The following ACYP2 variants were observed in gnomAD, a reference collection of about 807,000 sequenced individuals.
ACYP2 encodes the protein acylphosphatase-2.
ACYP2 carries 12 observed loss-of-function variants against 11.2 expected under a neutral mutation model. The ratio of observed to expected loss-of-function variants is 1.08; its 90% confidence interval spans 0.69 to 1.74. The LOEUF (loss-of-function observed/expected upper bound fraction) is 1.74. Ranked by LOEUF, ACYP2 falls within the 40% of genes most tolerant of loss-of-function variation. ACYP2 has a pLI of 0.00. For synonymous variants in ACYP2, 43 were observed against 32.2 expected (o/e 1.33, Z -1.13); for missense variants, 134 against 101.9 (o/e 1.31, Z -1.35).
At chr2:54,268,956 C>CTTAA (rs1317900053) in intron 6 of ACYP2, among the ~76,000 whole-genome samples, 1 of 152,092 alleles carries the variant, frequency 6.6e-6, no homozygotes, top group African/African-American at 2.4e-5. Context: ...TGAATTATCT[C>CTTAA]TTAATTTAAA....
At chr2:54,211,040 C>T (rs1279309422) in intron 6 of ACYP2, among the ~76,000 whole-genome samples, 1 of 152,170 alleles carries the variant, frequency 6.6e-6, no homozygotes, top group Non-Finnish European at 1.5e-5. Context: ...ACAGATTTCC[C>T]TGAAGTCAAC....
At chr2:54,272,716 A>G (rs1473424137) in intron 6 of ACYP2, among the ~76,000 whole-genome samples, 2 of 152,248 alleles carry the variant, frequency 1.3e-5, no homozygotes, top group African/African-American at 4.8e-5. Flanking sequence ...CACAGAGGCT[A>G]TACTGTCCAC....
intron 6 of ACYP2, among the ~76,000 whole-genome samples, chr2:54,303,438 T>A (rs1324607964): frequency 1.3e-5 from 2 of 152,150 alleles, no homozygotes; most frequent in African/African-American, 4.8e-5. Flanking sequence ...TCTAGGAGGT[T>A]TCAAGAAGAC....
In ACYP2 at chr2:54,286,142, G is replaced by A. The variant is rs533135461; in HGVS notation, c.405-18546G>A. Among the ~76,000 whole-genome samples, 86 of 150,308 alleles carry A rather than the reference G, an allele frequency of 5.7e-4. 2 individuals carry two copies. Among genetic ancestry groups the A allele is most frequent in the African/African-American group, 2.1e-3 (82 of 39,662 alleles). ...TTAAATGTGCTCAGGGCCAGGCGCA[G>A]TGGCCTTTGGGAGGCCAAGATGGGA... On this transcript the variant is annotated intron_variant, in intron 6 of 6. Coordinates refer to ENST00000607452, the MANE Select transcript of ACYP2 (RefSeq NM_001320586.2).
At chr2:54,278,886 T>C (rs1039705818) in intron 6 of ACYP2, among the ~76,000 whole-genome samples, 1 of 152,232 alleles carries the variant, frequency 6.6e-6, no homozygotes, top group Non-Finnish European at 1.5e-5. Flanking sequence ...AAGCATGTGC[T>C]GAGGTTGTGT....
At chr2:54,187,419 T>C (rs1350051883) in intron 6 of ACYP2, among the ~76,000 whole-genome samples, 2 of 152,128 alleles carry the variant, frequency 1.3e-5, no homozygotes, top group African/African-American at 2.4e-5. Context: ...CGGAGGGAGA[T>C]GTCTACGTGG....
At chr2:53,974,560 GT>G (rs1288434901) in intron 2 of ACYP2, among the ~76,000 whole-genome samples, 1 of 152,170 alleles carries the variant, frequency 6.6e-6, no homozygotes, top group Admixed American at 6.5e-5. Flanking sequence ...AGTTAGAATT[GT>G]TTGGCAGGTA....
intron 6 of ACYP2, among the ~76,000 whole-genome samples, chr2:54,178,762 T>C (rs1683581217): frequency 6.6e-6 from 1 of 152,130 alleles, no homozygotes. Context: ...AATAGCACCA[T>C]AATTGAAAAC....
At chr2:54,141,709 T>C (rs1251106907) in intron 6 of ACYP2, among the ~76,000 whole-genome samples, 2 of 152,258 alleles carry the variant, frequency 1.3e-5, no homozygotes, top group East Asian at 3.8e-4. Flanking sequence ...TTTTATTTGC[T>C]TTCTTGGGCA....
intron 6 of ACYP2, among the ~76,000 whole-genome samples, chr2:54,188,757 C>T (rs927244598): frequency 1.3e-5 from 2 of 152,166 alleles, no homozygotes; most frequent in Admixed American, 6.5e-5. Flanking sequence ...CAGGCCCCAC[C>T]CCAGACCTCC....
rs1205149417 is a variant in ACYP2 at position 53,995,296 on chromosome 2, C to CA, written c.62+21488dup. The stretch of plus-strand genomic sequence containing the variant: ...GCTACTTTAGTCTCTTCTTTAATCT[C>CA]AAGTTACATCAGAGAAAAGATTTCA... On this transcript the variant is annotated intron_variant, in intron 2 of 6. Coordinates refer to ENST00000607452, the MANE Select transcript of ACYP2 (RefSeq NM_001320586.2). Among the ~76,000 whole-genome samples the CA allele has an allele frequency of 3.3e-5, 5 of 152,114 alleles. No individual in the cohort carries two copies. In the East Asian group the frequency reaches 9.6e-4, roughly 29 times the overall value.
At chr2:54,112,378 G>T (rs985923859) in intron 4 of ACYP2, among the ~76,000 whole-genome samples, 1 of 152,292 alleles carries the variant, frequency 6.6e-6, no homozygotes, top group South Asian at 2.1e-4. Flanking sequence ...TGTATAAAAA[G>T]CCAAATAATC....
chr2:54,071,856 CA>C (rs1385439434), intron 4 of ACYP2, among the ~76,000 whole-genome samples: 2 of 152,004 alleles, frequency 1.3e-5, no homozygotes, highest in Admixed American at 1.3e-4. Flanking sequence ...ACTAAAAATA[CA>C]AAACTTAGGT....
intron 2 of ACYP2, among the ~76,000 whole-genome samples, chr2:54,011,264 G>A (rs1278388755): frequency 1.3e-5 from 2 of 152,026 alleles, no homozygotes; most frequent in African/African-American, 2.4e-5. Context: ...CTCCTTTTCT[G>A]TTTTTCATTA....
intron 4 of ACYP2, among the ~76,000 whole-genome samples, chr2:54,113,010 A>C (rs1016123761): frequency 1.3e-5 from 2 of 150,636 alleles, no homozygotes; most frequent in East Asian, 4.3e-4. Flanking sequence ...AAGCTATGCT[A>C]TAGTTGTCCG....
intron 3 of ACYP2, among the ~76,000 whole-genome samples, chr2:54,054,391 C>G (rs1676014913): frequency 6.6e-6 from 1 of 152,166 alleles, no homozygotes. Flanking sequence ...TTCTAAGTTT[C>G]TCTTTTAAAG....
At chr2:54,031,667 T>C (rs1244383125) in intron 2 of ACYP2, among the ~76,000 whole-genome samples, 1 of 152,168 alleles carries the variant, frequency 6.6e-6, no homozygotes, top group East Asian at 1.9e-4. Flanking sequence ...GGTCAAATGG[T>C]ATTTCTAGTT....
intron 2 of ACYP2, among the ~76,000 whole-genome samples, chr2:54,042,100 G>A (rs955666702): frequency 6.6e-5 from 10 of 151,020 alleles, no homozygotes; most frequent in African/African-American, 2.2e-4. Context: ...CTCCGCCCCC[G>A]AGTGCAAGCA....
chr2:54,037,875 A>G (rs1252721345), intron 2 of ACYP2, among the ~76,000 whole-genome samples: 2 of 152,216 alleles, frequency 1.3e-5, no homozygotes, highest in South Asian at 2.1e-4. Flanking sequence ...TCAATAAACT[A>G]TGAGAAACTT....
Sources: allele counts gnomAD v4.1 joint callset (sites outside exome capture counted in the v4.1 genomes callset), GRCh38; gene constraint gnomAD v4.1.1; transcripts MANE v1.5; gene names NCBI Gene and HGNC (gene_info 2026-07-23, HGNC 2026-07-21).